Variants in ERBB4 observed in about 807,000 individuals in gnomAD.
The protein encoded by ERBB4 is erb-b2 receptor tyrosine kinase 4.
ERBB4 carries 42 observed loss-of-function variants against 158.0 expected under a neutral mutation model. That is an observed-to-expected ratio of 0.27 (90% CI 0.21 to 0.34). The LOEUF is 0.34. Ranked by LOEUF, ERBB4 falls within the 10% of genes least tolerant of loss-of-function variation. ERBB4 has a pLI of 1.00. For synonymous variants in ERBB4, 583 were observed against 558.7 expected (o/e 1.04, Z -0.61); for missense variants, 1,333 against 1,624.1 (o/e 0.82, Z 3.08).
chr2:211,801,067 C>T (rs1361912657), intron 3 of ERBB4, among the ~76,000 whole-genome samples: 7 of 152,082 alleles, frequency 4.6e-5, no homozygotes, highest in Non-Finnish European at 8.8e-5. Context: ...GCATTCAGTT[C>T]TTCTAACCGA....
At chr2:211,393,487 C>T (rs914563406) in intron 25 of ERBB4, among the ~76,000 whole-genome samples, 3 of 152,140 alleles carry the variant, frequency 2.0e-5, no homozygotes, top group Non-Finnish European at 2.9e-5. Flanking sequence ...CATTTCTATT[C>T]TTACTCATCT....
At chr2:211,614,870 A>G (rs907550509) in intron 19 of ERBB4, among the ~76,000 whole-genome samples, 4 of 152,114 alleles carry the variant, frequency 2.6e-5, no homozygotes, top group Non-Finnish European at 4.4e-5. Flanking sequence ...AGAAAATAGG[A>G]TAACAGCAGT....
chr2:211,594,933 C>T (rs914497434), intron 19 of ERBB4, among the ~76,000 whole-genome samples: 5 of 152,092 alleles, frequency 3.3e-5, no homozygotes, highest in East Asian at 1.9e-4. Flanking sequence ...GTGTGGCAGT[C>T]GTATGTCTAC....
At chr2:212,280,520 C>T (rs113647882) in intron 1 of ERBB4, among the ~76,000 whole-genome samples, 34 of 151,718 alleles carry the variant, frequency 2.2e-4, no homozygotes, top group African/African-American at 8.0e-4. Context: ...TTTTTATATA[C>T]AAATTAAGCC....
intron 1 of ERBB4, among the ~76,000 whole-genome samples, chr2:212,308,905 C>T (rs1045611606): frequency 3.3e-5 from 5 of 151,052 alleles, no homozygotes; most frequent in African/African-American, 1.2e-4. Context: ...GAAATATTTC[C>T]ATAGGATTTG....
intron 25 of ERBB4, among the ~76,000 whole-genome samples, chr2:211,413,312 ACACACACACACACACAC>A (rs2063307988): frequency 2.2e-5 from 2 of 89,842 alleles, no homozygotes; most frequent in East Asian, 2.4e-4. Flanking sequence ...TCTTAAAAAC[ACACACACACACACACAC>A]ACACACACAC....
chr2:211,466,037 T>C (rs1474042889), intron 20 of ERBB4, among the ~76,000 whole-genome samples: 2 of 152,154 alleles, frequency 1.3e-5, no homozygotes, highest in East Asian at 3.9e-4. Flanking sequence ...CATTTTGTCA[T>C]ACATTTGGCA....
At chr2:212,003,578 C>A (rs72937707) in intron 2 of ERBB4, among the ~76,000 whole-genome samples, 1 of 152,076 alleles carries the variant, frequency 6.6e-6, no homozygotes, top group Admixed American at 6.5e-5. Flanking sequence ...AGAGGCTACA[C>A]CCTTTACAAT....
At chr2:211,862,778 A>T (rs1342009573) in intron 3 of ERBB4, among the ~76,000 whole-genome samples, 1 of 152,230 alleles carries the variant, frequency 6.6e-6, no homozygotes, top group Admixed American at 6.5e-5. Context: ...TGAGTAAGAT[A>T]ATACCATAAA....
chr2:211,743,307 C>G (rs1322541183), intron 5 of ERBB4, among the ~76,000 whole-genome samples: 1 of 152,082 alleles, frequency 6.6e-6, no homozygotes, highest in African/African-American at 2.4e-5. Flanking sequence ...GAAAATCAAA[C>G]TGTAATGTTT....
intron 25 of ERBB4, among the ~76,000 whole-genome samples, chr2:211,406,789 C>T: frequency 6.6e-6 from 1 of 151,906 alleles, no homozygotes; most frequent in East Asian, 1.9e-4. Flanking sequence ...ATAGAAAAAA[C>T]TAAACTCAAG....
At chr2:211,888,693 CACCGTGCGCGA>C (rs1251613916) in intron 3 of ERBB4, among the ~76,000 whole-genome samples, 1 of 151,596 alleles carries the variant, frequency 6.6e-6, no homozygotes, top group African/African-American at 2.4e-5. Flanking sequence ...TGGGTGCGCG[CACCGTGCGCGA>C]GCCGAAGCAG....
intron 1 of ERBB4, among the ~76,000 whole-genome samples, chr2:212,223,351 A>ATAT (rs1559782507): frequency 7.0e-6 from 1 of 143,526 alleles, no homozygotes; most frequent in East Asian, 2.0e-4. Context: ...TATATATATA[A>ATAT]AATTGTCTTT....
rs749682064 is a variant in ERBB4 at position 211,376,196 on chromosome 2, A to T, written c.*7419T>A. The T allele has an allele frequency of 3.9e-5, 9 of 233,086 alleles. No individual in the cohort carries two copies. Among genetic ancestry groups the T allele is most frequent in the Non-Finnish European group, 5.9e-5 (7 of 117,770 alleles). The allele number at this position is 233,086 out of a possible 1,614,324, so 14.4% of individuals were successfully genotyped here. On this transcript the variant is annotated 3_prime_UTR_variant, in exon 28 of 28. Transcript: ENST00000342788. ...GTAAGCGAGTGCAGAGGTTGAACAC[A>T]TCACAATAGTGCTGAACACAGAATC...
intron 3 of ERBB4, among the ~76,000 whole-genome samples, chr2:211,831,294 C>T (rs1311957558): frequency 1.3e-5 from 2 of 152,102 alleles, no homozygotes; most frequent in African/African-American, 2.4e-5. Flanking sequence ...CAGTCTAATA[C>T]TGAAATAGAT....
intron 19 of ERBB4, among the ~76,000 whole-genome samples, chr2:211,562,769 C>CTTTTTTTTTTTTTTTTTTT (rs367801279): frequency 5.6e-5 from 7 of 125,734 alleles, no homozygotes; most frequent in African/African-American, 1.4e-4. Flanking sequence ...ACTACTCCAA[C>CTTTTTTTTTTTTTTTTTTT]TTTTTTTTTT....
chr2:212,238,306 A>T, intron 1 of ERBB4, among the ~76,000 whole-genome samples: 1 of 152,162 alleles, frequency 6.6e-6, no homozygotes, highest in East Asian at 1.9e-4. Context: ...TCAGTCCCTC[A>T]TGATTTTCCT....
At chr2:212,213,955 G>A (rs1267749210) in intron 1 of ERBB4, among the ~76,000 whole-genome samples, 2 of 151,788 alleles carry the variant, frequency 1.3e-5, no homozygotes, top group Non-Finnish European at 1.5e-5. Context: ...ATACAAAGTT[G>A]ATTGACACGG....
intron 12 of ERBB4, among the ~76,000 whole-genome samples, chr2:211,681,697 A>T (rs13420886): frequency 0.87 from 131,965 of 152,104 alleles, 57,359 homozygotes; most frequent in East Asian, 0.91. Flanking sequence ...GCCCATTTTA[A>T]ATTGTATTGA....
Sources: gnomAD v4.1 joint callset for allele counts (sites outside exome capture counted in the v4.1 genomes callset) on GRCh38, gnomAD v4.1.1 for gene constraint, MANE v1.5 for transcripts, NCBI Gene and HGNC (gene_info 2026-07-23, HGNC 2026-07-21) for gene names.